The following SCEL variants were observed in gnomAD, a reference collection of about 807,000 sequenced individuals.
The protein encoded by SCEL is sciellin.
Under a neutral mutation model 117.6 loss-of-function variants are expected in SCEL, and 113 were observed. The observed-to-expected ratio is 0.96, with a 90% confidence interval of 0.83 to 1.12. The LOEUF is 1.12. Ranked by LOEUF, SCEL falls within the 50% of genes most tolerant of loss-of-function variation. The probability of loss-of-function intolerance (pLI) is 0.00; values close to 1 mark genes in which losing one functional copy is unlikely to be tolerated. For missense variants in SCEL, 785 were observed against 810.8 expected, an observed-to-expected ratio of 0.97 and a Z score of 0.39; for synonymous variants, 270 against 256.2, an observed-to-expected ratio of 1.05 and a Z score of -0.51.
intron 11 of SCEL, among the ~76,000 whole-genome samples, chr13:77,591,916 C>T (rs2086896760): frequency 6.6e-6 from 1 of 152,108 alleles, no homozygotes; most frequent in African/African-American, 2.4e-5. Context: ...GGTAAGGTGG[C>T]ATTCCCCAAA....
At position 77,626,448 on chromosome 13, in the gene SCEL, A is replaced by G. The variant is rs542590421; in HGVS notation, c.1629-1499A>G. Among the ~76,000 whole-genome samples the G allele has an allele frequency of 2.0e-5, 3 of 152,308 alleles. No individual in the cohort carries two copies. In the East Asian group the frequency reaches 5.8e-4, roughly 29 times the overall value. On this transcript the variant is annotated intron_variant, in intron 27 of 32. Coordinates refer to ENST00000349847, the MANE Select transcript of SCEL (RefSeq NM_144777.3). ...AGTTTGGACATTAGTGTCCTTCTTT[A>G]CAAAATGATATGGTTTGGCTCTGTG...
chr13:77,639,153 T>C (rs2090441905), intron 30 of SCEL, among the ~76,000 whole-genome samples: 1 of 152,152 alleles, frequency 6.6e-6, no homozygotes, highest in African/African-American at 2.4e-5. Flanking sequence ...TTGCAGCTCC[T>C]AGATCAGTGC....
In SCEL at chr13:77,537,521, C is replaced by T. The variant is rs150916100; in HGVS notation, c.-20+1697C>T. On this transcript the variant is annotated intron_variant, in intron 1 of 32. Transcript: ENST00000349847. ...GGTATGACTAAGACATAATAGAATA[C>T]GTTTTCCAACTTGTGGCTTATGGAA... Among the ~76,000 whole-genome samples, 723 of 152,250 alleles carry T rather than the reference C, an allele frequency of 4.7e-3. 2 individuals carry two copies. Among genetic ancestry groups the T allele is most frequent in the African/African-American group, 0.017 (687 of 41,538 alleles).
Position 77,555,926 on chromosome 13 carries a change from A to G in SCEL, c.43+8A>G. On this transcript the variant is annotated splice_region_variant and intron_variant, in intron 2 of 32. Transcript: ENST00000349847. The stretch of plus-strand genomic sequence containing the variant: ...TGTCTCCCACAGGAAATGGTAATGT[A>G]CATGATGTTTCTCTCACTCAGAAAA... 6.2e-6 allele frequency: 10 copies of G among 1,611,684 alleles called. No individual in the cohort carries two copies. Among genetic ancestry groups the G allele is most frequent in the Non-Finnish European group, 8.5e-6 (10 of 1,178,026 alleles).
chr13:77,585,018 T>A (rs574485970), intron 9 of SCEL, among the ~76,000 whole-genome samples: 1 of 152,344 alleles, frequency 6.6e-6, no homozygotes, highest in East Asian at 1.9e-4. Flanking sequence ...TGTAATGGGA[T>A]TGACAGTGGA....
In SCEL at chr13:77,617,638, A is replaced by C. The variant is rs533446165; in HGVS notation, c.1491A>C (p.Glu497Asp). 1.3e-5 allele frequency: 20 copies of C among 1,598,344 alleles called. No homozygotes were observed. In the South Asian group the frequency reaches 1.6e-4, roughly 13 times the overall value. ...DLDKLIKVNP[E>D]IFTNNQRNQD... is the part of the protein sequence containing the mutation. ...ATAAACTCATCAAGGTGAATCCTGA[A>C]ATTTTCACAAACAACCAAAGGTAAT... Residue 497 changes from glutamate (E) to aspartate (D), a missense_variant, in exon 25 of 33, where the codon GAA becomes GAC. By Grantham distance (45) the Glu-to-Asp change is conservative. Coordinates refer to ENST00000349847, the MANE Select transcript of SCEL (RefSeq NM_144777.3).
chr13:77,597,566 C>CA lies in SCEL; in HGVS notation c.778dup (p.Met260AsnfsTer7). 1 of 1,480,434 alleles carries CA rather than the reference C, an allele frequency of 6.8e-7. No homozygotes were observed. The highest frequency in any genetic ancestry group is 9.2e-7 in the Non-Finnish European group (1 of 1,087,948). The allele number at this position is 1,480,434 out of a possible 1,614,324, so 91.7% of individuals were successfully genotyped here. A position where few individuals can be genotyped will look rare whatever the true frequency, so the allele number is the denominator to read the frequency against. ...AAAGTGAAGAATTGGATAATCTCATCAAAATGAACAAAAGCTTGAATAGGT... is the reference window on the plus strand; with the variant it reads ...AAAGTGAAGAATTGGATAATCTCATCAAAAATGAACAAAAGCTTGAATAGGT... On this transcript the variant is annotated frameshift_variant, in exon 13 of 33. Coordinates refer to ENST00000349847, the MANE Select transcript of SCEL (RefSeq NM_144777.3). LOFTEE classifies it high-confidence loss of function.
At chr13:77,551,309 T>C (rs2084307484) in intron 1 of SCEL, among the ~76,000 whole-genome samples, 2 of 152,188 alleles carry the variant, frequency 1.3e-5, no homozygotes, top group Non-Finnish European at 2.9e-5. Context: ...GCAATTGCCC[T>C]GTGCAATAGA....
At chr13:77,617,698 A>G (rs777855326) in intron 25 of SCEL, 40 bp downstream of exon 25, 64 of 1,499,278 alleles carry the variant, frequency 4.3e-5, no homozygotes, top group Non-Finnish European at 5.6e-5. Context: ...TGGGTCAGAA[A>G]GAATATTAAG....
At chr13:77,608,203 T>C (rs2088367887) in intron 20 of SCEL, 88 bp downstream of exon 20, 2 of 1,036,146 alleles carry the variant, frequency 1.9e-6, no homozygotes, top group Admixed American at 2.3e-5. Flanking sequence ...AACCTTTGGA[T>C]TGGGATCAGA....
rs761739519 is a variant in SCEL at position 77,604,413 on chromosome 13, G to A, written c.1155G>A (p.Thr385=). 7 of 1,575,482 alleles carry A rather than the reference G, an allele frequency of 4.4e-6. No homozygotes were observed. The highest frequency in any genetic ancestry group is 2.1e-5 in the Admixed American group (1 of 47,340). ...ATCCTGAAACAAATAAAAATATTACGAGGTAAGACATTTAAAGCTCCCCCC... is the reference window on the plus strand; with the variant it reads ...ATCCTGAAACAAATAAAAATATTACAAGGTAAGACATTTAAAGCTCCCCCC... The part of the protein sequence containing the change: ...KVDPETNKNI[T]RGQSLDNLIK... Residue 385 remains threonine, a splice_region_variant and synonymous_variant, in exon 19 of 33, where the codon ACG becomes ACA. Transcript: ENST00000349847.
intron 28 of SCEL, among the ~76,000 whole-genome samples, chr13:77,629,233 T>C (rs1004289195): frequency 5.3e-5 from 8 of 152,094 alleles, no homozygotes; most frequent in Non-Finnish European, 1.2e-4. Context: ...CCTGAAGAAG[T>C]TTGGAACCCT....
At position 77,544,958 on chromosome 13, in the gene SCEL, A is replaced by G. The variant is rs147770834; in HGVS notation, c.-20+9134A>G. Among the ~76,000 whole-genome samples, 750 of 152,346 alleles carry G rather than the reference A, an allele frequency of 4.9e-3. 2 individuals are homozygous for G. Among genetic ancestry groups the G allele is most frequent in the African/African-American group, 0.017 (712 of 41,576 alleles). The stretch of plus-strand genomic sequence containing the variant: ...TTTGGCCACAAAGAGGAAATGAAAG[A>G]TGGGCCAATAATTGAAAATATTTTT... On this transcript the variant is annotated intron_variant, in intron 1 of 32. Transcript: ENST00000349847.
In SCEL at chr13:77,603,131, A is replaced by C. The variant is rs1321881027; in HGVS notation, c.1093A>C (p.Thr365Pro). ...EVNPKGHENT[T>P]GKKDLDGLIK... is the part of the protein sequence containing the mutation. ...AAATCCCAAAGGACATGAAAATACC[A>C]CTGGGTAAAAATAATTAATGTCTTT... Residue 365 changes from threonine (T) to proline (P), a missense_variant, in exon 18 of 33, where the codon ACT becomes CCT. Transcript: ENST00000349847. 7 of 1,534,772 alleles carry C rather than the reference A, an allele frequency of 4.6e-6. No homozygotes were observed. The Admixed American group carries it at 9.6e-5, about 21-fold the overall frequency.
chr13:77,552,921 A>G (rs948308091), intron 1 of SCEL, among the ~76,000 whole-genome samples: 3 of 152,164 alleles, frequency 2.0e-5, no homozygotes, highest in African/African-American at 7.2e-5. Context: ...TCAGCTTTCT[A>G]CATATGGCTA....
At chr13:77,582,668 C>T (rs1594018028) in intron 9 of SCEL, among the ~76,000 whole-genome samples, 1 of 152,118 alleles carries the variant, frequency 6.6e-6, no homozygotes, top group Admixed American at 6.5e-5. Flanking sequence ...CAGTGTGTGG[C>T]TTGTTTTTCA....
intron 27 of SCEL, among the ~76,000 whole-genome samples, chr13:77,625,779 TGAGTGA>T (rs1162164711): frequency 6.6e-6 from 1 of 152,214 alleles, no homozygotes; most frequent in African/African-American, 2.4e-5. Flanking sequence ...TCAATATTTG[TGAGTGA>T]GAGTCTGTAT....
intron 28 of SCEL, among the ~76,000 whole-genome samples, chr13:77,631,790 A>G (rs2090033316): frequency 6.6e-6 from 1 of 152,252 alleles, no homozygotes. Flanking sequence ...CATTAATCAC[A>G]TTATAAACAC....
intron 29 of SCEL, among the ~76,000 whole-genome samples, chr13:77,636,735 G>A (rs1468273456): frequency 1.3e-5 from 2 of 152,080 alleles, no homozygotes; most frequent in African/African-American, 4.8e-5. Context: ...GTTTCTCTCT[G>A]TGAATGGTGT....
Sources: gnomAD v4.1 joint callset for allele counts (sites outside exome capture counted in the v4.1 genomes callset) on GRCh38, gnomAD v4.1.1 for gene constraint, MANE v1.5 for transcripts, NCBI Gene and HGNC (gene_info 2026-07-23, HGNC 2026-07-21) for gene names.